The following DIAPH1 variants were observed in gnomAD, a reference collection of about 807,000 sequenced individuals.
The protein encoded by DIAPH1 is diaphanous related formin 1, also known as protein diaphanous homolog 1.
Under a neutral mutation model 140.7 loss-of-function variants are expected in DIAPH1, and 46 were observed. The ratio of observed to expected loss-of-function variants is 0.33; its 90% CI spans 0.26 to 0.42. The LOEUF (loss-of-function observed/expected upper bound fraction) is 0.42, where lower values mean the gene tolerates loss of function less well. Among genes scored for constraint, DIAPH1 ranks in the 10% least tolerant of loss-of-function variants. The pLI is 1.00. For missense variants in DIAPH1, 1,310 were observed against 1,558.7 expected, an observed-to-expected ratio of 0.84 and a Z score of 2.69; for synonymous variants, 565 against 551.6, an observed-to-expected ratio of 1.02 and a Z score of -0.34.
chr5:141,605,726 T>C (rs369616381), intron 1 of DIAPH1, among the ~76,000 whole-genome samples: 5 of 152,368 alleles, frequency 3.3e-5, no homozygotes, highest in African/African-American at 9.6e-5. Flanking sequence ...AGATCATTTC[T>C]AGGGTCTCTT....
At chr5:141,594,300 A>G (rs1327562719) in intron 1 of DIAPH1, among the ~76,000 whole-genome samples, 3 of 152,364 alleles carry the variant, frequency 2.0e-5, no homozygotes, top group Non-Finnish European at 4.4e-5. Context: ...AGCTTTATTC[A>G]TAATTGCCAA....
chr5:141,557,706 C>T (rs2099892847), intron 18 of DIAPH1: 1 of 152,188 alleles, frequency 6.6e-6, no homozygotes, highest in South Asian at 2.1e-4. Context: ...GCCTCAAAAG[C>T]TAGCACTCTG....
rs190959166 is a variant in DIAPH1, at chr5:141,525,932, T to C, written c.3574+106A>G. 17 of 1,577,286 alleles carry C rather than the reference T, an allele frequency of 1.1e-5. No individual in the cohort carries two copies. The East Asian group carries it at 3.6e-4, about 33-fold the overall frequency. ...TCGGAGTGAAGACTGCCAAAAATCA[T>C]TTGCCAGGAGGTGAGCTCAGACATG... On this transcript the variant is annotated intron_variant, in intron 26 of 27. Coordinates refer to ENST00000389054, the MANE Select transcript of DIAPH1 (RefSeq NM_005219.5).
At chr5:141,579,761 A>T (rs2099896468) in intron 8 of DIAPH1, among the ~76,000 whole-genome samples, 1 of 152,144 alleles carries the variant, frequency 6.6e-6, no homozygotes, top group African/African-American at 2.4e-5. Flanking sequence ...CAGCCTGGCC[A>T]ATAGGGAGAA....
chr5:141,617,472 C>A (rs2099902873), intron 1 of DIAPH1, among the ~76,000 whole-genome samples: 1 of 152,138 alleles, frequency 6.6e-6, no homozygotes, highest in Admixed American at 6.5e-5. Flanking sequence ...AACATCTCAA[C>A]CCTCTAGGTC....
intron 18 of DIAPH1, among the ~76,000 whole-genome samples, chr5:141,539,430 G>GTTTTTTTTTT (rs374210300): frequency 7.6e-6 from 1 of 131,846 alleles, no homozygotes; most frequent in Non-Finnish European, 1.6e-5. Flanking sequence ...TTTTTTTTTT[G>GTTTTTTTTTT]TTTTTTTTTT....
At chr5:141,571,248 C>T (rs939380128) in intron 18 of DIAPH1, among the ~76,000 whole-genome samples, 180 bp downstream of exon 18, 1 of 152,106 alleles carries the variant, frequency 6.6e-6, no homozygotes, top group Non-Finnish European at 1.5e-5. Context: ...TTAGTTAATG[C>T]CAAAGCTATT....
intron 14 of DIAPH1, among the ~76,000 whole-genome samples, chr5:141,575,506 G>A (rs1421041454): frequency 2.6e-5 from 4 of 151,926 alleles, no homozygotes; most frequent in South Asian, 2.1e-4. Context: ...AAAATTAGCC[G>A]GGCATGGTGG....
rs116262785 is a variant in DIAPH1 at position 141,543,963 on chromosome 5, G to T, written c.2483-9530C>A. Among the ~76,000 whole-genome samples the T allele has an allele frequency of 1.7e-3, 260 of 152,236 alleles. 2 individuals are homozygous for T. The highest frequency in any genetic ancestry group is 5.9e-3 in the African/African-American group (247 of 41,542). ...TACCAAACATCTAGAAGAGAACAGG[G>T]GAAAATCTTCACAGCTTTGAGGTGG... On this transcript the variant is annotated intron_variant, in intron 18 of 27. Coordinates refer to ENST00000389054, the MANE Select transcript of DIAPH1 (RefSeq NM_005219.5).
chr5:141,566,302 C>A (rs1323007297), intron 18 of DIAPH1, among the ~76,000 whole-genome samples: 1 of 152,088 alleles, frequency 6.6e-6, no homozygotes, highest in Admixed American at 6.5e-5. Context: ...AGGATCATGA[C>A]CTTTTCGTAT....
intron 19 of DIAPH1, among the ~76,000 whole-genome samples, chr5:141,530,691 G>A (rs1043613679): frequency 1.3e-5 from 2 of 152,066 alleles, no homozygotes; most frequent in Non-Finnish European, 2.9e-5. Context: ...AAAAATCAAA[G>A]CCACTGGTCA....
rs916593815 is a variant in DIAPH1 at position 141,577,525 on chromosome 5, G to A, written c.1230C>T (p.Phe410=). Residue 410 remains phenylalanine (F), a synonymous_variant, in exon 12 of 28, where the codon TTC becomes TTT. Transcript: ENST00000389054. ...TVKDSKAEPH[F]LSILQHLLLV... ...AGAGTAAGTGCTGCAGGATGGAAAG[G>A]AAGTGTGGCTCTGCCTTTGAATCCT... is the stretch of plus-strand genomic sequence containing the variant. 6.2e-7 allele frequency: 1 copy of A among 1,614,030 alleles called. No homozygotes were observed. The highest frequency in any genetic ancestry group is 8.5e-7 in the Non-Finnish European group (1 of 1,179,898).
Position 141,515,810 on chromosome 5 carries a change from C to T in DIAPH1, c.*1041G>A, listed in dbSNP as rs6892185. 0.17 allele frequency: 25,749 copies of T among 152,198 alleles called. 3,827 individuals are homozygous for T. Among genetic ancestry groups the T allele is most frequent in the African/African-American group, 0.41 (16,865 of 41,448 alleles). 9.4% of individuals were successfully genotyped at this position (152,198 alleles called of 1,614,324 possible). ...CAAGGGTCCAGAAGGTCCAGGGGCACATTCAGGATTGGGCCTGTGAGAAGA... is the reference window on the plus strand; with the variant it reads ...CAAGGGTCCAGAAGGTCCAGGGGCATATTCAGGATTGGGCCTGTGAGAAGA... On this transcript the variant is annotated 3_prime_UTR_variant, in exon 28 of 28. Transcript: ENST00000389054.
intron 18 of DIAPH1, among the ~76,000 whole-genome samples, chr5:141,559,377 T>C (rs2099893171): frequency 6.6e-6 from 1 of 152,096 alleles, no homozygotes; most frequent in Non-Finnish European, 1.5e-5. Flanking sequence ...TTGGCCAAAA[T>C]ATACAACTAT....
At chr5:141,569,740 G>A (rs1037865665) in intron 18 of DIAPH1, among the ~76,000 whole-genome samples, 8 of 152,068 alleles carry the variant, frequency 5.3e-5, no homozygotes, top group African/African-American at 1.4e-4. Context: ...CAGCCTGGGC[G>A]ACAGAGCAAC....
chr5:141,520,885 C>A (rs1160645023), intron 27 of DIAPH1, among the ~76,000 whole-genome samples: 8 of 152,068 alleles, frequency 5.3e-5, no homozygotes, highest in Admixed American at 1.3e-4. Context: ...TAGACCTGGG[C>A]AAGACTTTAT....
At chr5:141,548,598 T>C (rs59697430) in intron 18 of DIAPH1, among the ~76,000 whole-genome samples, 23,150 of 152,090 alleles carry the variant, frequency 0.15, 1,795 homozygotes, top group South Asian at 0.2. Context: ...GCTAAAATGT[T>C]CCAGCCTGGG....
At chr5:141,612,642 A>G (rs978593348) in intron 1 of DIAPH1, among the ~76,000 whole-genome samples, 1 of 152,196 alleles carries the variant, frequency 6.6e-6, no homozygotes, top group East Asian at 1.9e-4. Context: ...GAGGACGAGG[A>G]TGGGTGAGAG....
At chr5:141,599,870 CT>C (rs5871779) in intron 1 of DIAPH1, among the ~76,000 whole-genome samples, 3,491 of 151,298 alleles carry the variant, frequency 0.023, 56 homozygotes, top group East Asian at 0.047. Flanking sequence ...GCAAAATTGA[CT>C]TTTTTTTTGG....
Sources: gnomAD v4.1 joint callset for allele counts (sites outside exome capture counted in the v4.1 genomes callset) on GRCh38, gnomAD v4.1.1 for gene constraint, MANE v1.5 for transcripts, NCBI Gene and HGNC (gene_info 2026-07-23, HGNC 2026-07-21) for gene names.